CDH23: variants seen among roughly 807,000 people sequenced by gnomAD.
The protein encoded by CDH23 is cadherin-23.
Under a neutral mutation model 317.1 loss-of-function variants are expected in CDH23, and 189 were observed. That is an observed-to-expected ratio of 0.60 (90% CI 0.53 to 0.67). The LOEUF is 0.67. Among genes scored for constraint, CDH23 ranks in the 30% least tolerant of loss-of-function variants. The pLI, the probability that CDH23 is intolerant of heterozygous loss-of-function variation, is 0.00. For missense variants in CDH23, 4,401 were observed against 4,592.4 expected, an observed-to-expected ratio of 0.96 and a Z score of 1.20; for synonymous variants, 1,839 against 1,876.8, an observed-to-expected ratio of 0.98 and a Z score of 0.52.
intron 11 of CDH23, among the ~76,000 whole-genome samples, chr10:71,642,285 G>A (rs188660647): frequency 6.6e-6 from 1 of 151,820 alleles, no homozygotes; most frequent in Non-Finnish European, 1.5e-5. Flanking sequence ...CTGTGGACTC[G>A]TGCTGCCAAT....
chr10:71,732,557 A>T (rs1291759254), intron 32 of CDH23, 182 bp downstream of exon 32: 2 of 1,302,380 alleles, frequency 1.5e-6, no homozygotes, highest in Non-Finnish European at 2.1e-6. Flanking sequence ...GCTTCAGCTC[A>T]GGAGTTTGGA....
chr10:71,407,843 A>G (rs1398860362), intron 1 of CDH23, among the ~76,000 whole-genome samples: 1 of 152,148 alleles, frequency 6.6e-6, no homozygotes, highest in African/African-American at 2.4e-5. Context: ...CCTTTCATTG[A>G]CCCAAGTGCT....
chr10:71,699,009 G>A (rs1236356985), intron 22 of CDH23, among the ~76,000 whole-genome samples: 1 of 152,158 alleles, frequency 6.6e-6, no homozygotes, highest in Admixed American at 6.5e-5. Flanking sequence ...TGTGATCAGC[G>A]CTTACTGAGC....
At chr10:71,604,900 C>A (rs1179540722) in intron 9 of CDH23, among the ~76,000 whole-genome samples, 1 of 152,202 alleles carries the variant, frequency 6.6e-6, no homozygotes, top group Non-Finnish European at 1.5e-5. Context: ...TTCATCCTAG[C>A]TGATGTAGCA....
intron 38 of CDH23, among the ~76,000 whole-genome samples, chr10:71,745,009 G>T (rs1839821258): frequency 6.6e-6 from 1 of 152,234 alleles, no homozygotes. Flanking sequence ...GTGAAGAATT[G>T]CAGTGACCAT....
At chr10:71,759,900 TATATACACACACAC>T (rs1564779298) in intron 38 of CDH23, among the ~76,000 whole-genome samples, 2 of 44,972 alleles carry the variant, frequency 4.4e-5, no homozygotes, top group Admixed American at 2.4e-4. Context: ...CACACACACA[TATATACACACACAC>T]ATATATACAC....
intron 41 of CDH23, among the ~76,000 whole-genome samples, chr10:71,782,149 T>C (rs1467257127): frequency 6.6e-6 from 1 of 152,150 alleles, no homozygotes; most frequent in African/African-American, 2.4e-5. Context: ...ACTGAGCCCT[T>C]AGGAGGAGCT....
At chr10:71,663,699 A>G (rs1045367757) in intron 14 of CDH23, among the ~76,000 whole-genome samples, 3 of 152,250 alleles carry the variant, frequency 2.0e-5, no homozygotes, top group Non-Finnish European at 4.4e-5. Flanking sequence ...AAATGTGTCA[A>G]TACATGTGCA....
At chr10:71,799,345 T>G (rs1470874267) in intron 51 of CDH23, 65 bp downstream of exon 51, 1 of 1,609,444 alleles carries the variant, frequency 6.2e-7, no homozygotes, top group Non-Finnish European at 8.5e-7. Flanking sequence ...TTTGGGCATC[T>G]TCCTCTCCCA....
intron 28 of CDH23, chr10:71,716,206 G>T (rs1368765703): frequency 3.2e-6 from 5 of 1,551,062 alleles, no homozygotes; most frequent in Non-Finnish European, 4.4e-6. Flanking sequence ...GGAGGAAGAT[G>T]CAGGCCAGGG....
chr10:71,473,503 A>G (rs1851624553), intron 3 of CDH23, among the ~76,000 whole-genome samples: 3 of 152,152 alleles, frequency 2.0e-5, no homozygotes, highest in Admixed American at 6.5e-5. Flanking sequence ...GAAGGGCAGG[A>G]TAATACCAAA....
At chr10:71,572,098 C>T (rs535737116) in intron 8 of CDH23, among the ~76,000 whole-genome samples, 63 of 152,230 alleles carry the variant, frequency 4.1e-4, no homozygotes, top group Non-Finnish European at 7.1e-4. Context: ...GGATCCTTTC[C>T]GGCCTGCTAC....
intron 48 of CDH23, among the ~76,000 whole-genome samples, 168 bp downstream of exon 48, chr10:71,793,808 C>A (rs1033350188): frequency 6.6e-6 from 1 of 152,146 alleles, no homozygotes. Context: ...TTTTCCATCT[C>A]TCCCCTTGCT....
chr10:71,777,579 T>G, intron 38 of CDH23, 101 bp from the exon 39 acceptor site: 3 of 992,520 alleles, frequency 3.0e-6, no homozygotes, highest in Non-Finnish European at 4.6e-6. Context: ...CCTTTCTGTT[T>G]GAGTCACATG....
rs1260216866 is a variant in CDH23, at chr10:71,775,234, A to AG, written c.4846-2440dup. Among the ~76,000 whole-genome samples, 10 of 152,206 alleles carry AG rather than the reference A, an allele frequency of 6.6e-5. No homozygotes were observed. In the East Asian group the frequency reaches 1.5e-3, roughly 23 times the overall value. ...TCACCCTGACATCCTCTGGCAAGTG[A>AG]GGGGGGTCCCTTAAGGGCAAGATCC... is the stretch of plus-strand genomic sequence containing the variant. On this transcript the variant is annotated intron_variant, in intron 38 of 69. Coordinates refer to ENST00000224721, the MANE Select transcript of CDH23 (RefSeq NM_022124.6).
rs184001066 is a variant in CDH23 at position 71,425,410 on chromosome 10, A to G, written c.-5-14417A>G. 2.9e-4 allele frequency among the ~76,000 whole-genome samples: 43 copies of G among 150,042 alleles called. 1 individual carries two copies. The highest frequency in any genetic ancestry group is 3.4e-3 in the Middle Eastern group (1 of 292). On this transcript the variant is annotated intron_variant, in intron 1 of 69. Transcript: ENST00000224721. ...AAGGAAGGAAGGAAGGAAGGAAGGA[A>G]GGAGGGAAGGAAGGGAAGGAAAGAA...
chr10:71,510,331 C>G, intron 4 of CDH23, 107 bp downstream of exon 4: 2 of 1,255,390 alleles, frequency 1.6e-6, no homozygotes, highest in Non-Finnish European at 2.2e-6. Flanking sequence ...AGACCCCATT[C>G]TGACTCCACA....
chr10:71,784,463 C>T (rs1564791938), intron 42 of CDH23, 43 bp downstream of exon 42: 2 of 1,590,722 alleles, frequency 1.3e-6, no homozygotes, highest in Admixed American at 1.7e-5. Context: ...CTCGCTGCCC[C>T]TGTACTTGCC....
intron 3 of CDH23, among the ~76,000 whole-genome samples, chr10:71,500,831 CTTTCT>C (rs1853280488): frequency 3.0e-5 from 4 of 132,120 alleles, no homozygotes; most frequent in South Asian, 5.0e-4. Context: ...CTTTCCTTTC[CTTTCT>C]TTTCTTTTCT....
Sources: allele counts gnomAD v4.1 joint callset (sites outside exome capture counted in the v4.1 genomes callset), GRCh38; gene constraint gnomAD v4.1.1; transcripts MANE v1.5; gene names NCBI Gene and HGNC (gene_info 2026-07-23, HGNC 2026-07-21).